COL27A1: variants seen among roughly 807,000 people sequenced by gnomAD.
The protein encoded by COL27A1 is collagen type XXVII alpha 1 chain.
COL27A1 carries 106 observed loss-of-function variants against 251.3 expected under a neutral mutation model. That is an observed-to-expected ratio of 0.42 (90% CI 0.36 to 0.50). The LOEUF (loss-of-function observed/expected upper bound fraction) is 0.50, where lower values mean the gene tolerates loss of function less well. Among genes scored for constraint, COL27A1 ranks in the 20% least tolerant of loss-of-function variants. COL27A1 has a pLI of 0.00. For missense variants in COL27A1, 2,325 were observed against 2,522.8 expected, an observed-to-expected ratio of 0.92 and a Z score of 1.68; for synonymous variants, 1,000 against 986.3, an observed-to-expected ratio of 1.01 and a Z score of -0.26.
At chr9:114,256,520 T>A (rs892792213) in intron 27 of COL27A1, among the ~76,000 whole-genome samples, 1 of 152,128 alleles carries the variant, frequency 6.6e-6, no homozygotes, top group African/African-American at 2.4e-5. Context: ...ATCCCCATTA[T>A]TGGGGGTGGG....
intron 24 of COL27A1, chr9:114,246,183 G>T (rs10119899): frequency 4.5e-5 from 18 of 399,334 alleles, no homozygotes; most frequent in African/African-American, 3.6e-4. Context: ...GCCCAAAGAG[G>T]TTATGTGACT....
At chr9:114,306,421 GAT>G (rs1217169698) in intron 57 of COL27A1, 97 bp from the exon 58 acceptor site, 3 of 1,254,338 alleles carry the variant, frequency 2.4e-6, no homozygotes, top group Non-Finnish European at 3.3e-6. Context: ...GTGGAACCGA[GAT>G]ACCTCCCAGG....
chr9:114,245,870 A>T lies in COL27A1; in HGVS notation c.2939A>T (p.Glu980Val). The T allele has an allele frequency of 6.2e-7, 1 of 1,613,244 alleles. No individual in the cohort carries two copies. Residue 980 changes from glutamate to valine, a missense_variant, in exon 24 of 61, where the codon GAA becomes GTA. Glu to Val is a moderately radical substitution (Grantham distance 121). Coordinates refer to ENST00000356083, the MANE Select transcript of COL27A1 (RefSeq NM_032888.4). ...CTCCTCTTTGTCTCTTTGCAGGGGG[A>T]ACCAGGGGATCCTGGTCGGCCGGGG... ...GRPGLDGVKGEPGDPGRPGPV... is the reference protein window; with the variant it reads ...GRPGLDGVKGVPGDPGRPGPV...
intron 28 of COL27A1, among the ~76,000 whole-genome samples, chr9:114,259,157 G>A (rs1834147326): frequency 6.6e-6 from 1 of 152,208 alleles, no homozygotes; most frequent in South Asian, 2.1e-4. Flanking sequence ...GACTGGCAGG[G>A]GAAGACCTGA....
intron 4 of COL27A1, among the ~76,000 whole-genome samples, chr9:114,180,732 C>A (rs1827838214): frequency 6.6e-6 from 1 of 152,188 alleles, no homozygotes; most frequent in Non-Finnish European, 1.5e-5. Context: ...CCCAGAGCCT[C>A]CCCCACCTGG....
At chr9:114,278,457 GATGGTGGTGGTGATGGTGGTGGTGATA>G (rs1384601556) in intron 37 of COL27A1, among the ~76,000 whole-genome samples, 1 of 145,454 alleles carries the variant, frequency 6.9e-6, no homozygotes, top group East Asian at 2.0e-4. Flanking sequence ...GGGCACTGAT[GATGGTGGTGGTGATGGTGGTGGTGATA>G]ATGGTGGTGG....
chr9:114,293,590 A>G (rs907142136), intron 49 of COL27A1, among the ~76,000 whole-genome samples: 1 of 151,936 alleles, frequency 6.6e-6, no homozygotes, highest in Non-Finnish European at 1.5e-5. Context: ...GCTTTTTGAG[A>G]TCTGTAAAAC....
At chr9:114,240,755 T>C (rs1381293438) in intron 21 of COL27A1, among the ~76,000 whole-genome samples, 2 of 152,234 alleles carry the variant, frequency 1.3e-5, no homozygotes, top group African/African-American at 4.8e-5. Flanking sequence ...GGGGTTTTCT[T>C]TCCCAGAGCT....
chr9:114,288,715 A>C lies in COL27A1; in HGVS notation c.4058A>C (p.Asp1353Ala), dbSNP rs756055187. ...GPPGDRGPVG[D>A]RGDRGEPGDP... Reference sequence around the variant, plus strand: ...TTTGTCATTCAGGGCCCTGTGGGTGATCGAGGAGACCGCGGGGAACCGGGA... The same window carrying C: ...TTTGTCATTCAGGGCCCTGTGGGTGCTCGAGGAGACCGCGGGGAACCGGGA... Residue 1353 changes from aspartate (D) to alanine (A), a missense_variant, in exon 43 of 61, where the codon GAT (aspartate) becomes GCT (alanine). Coordinates refer to ENST00000356083, the MANE Select transcript of COL27A1 (RefSeq NM_032888.4). The C allele has an allele frequency of 1.2e-6, 2 of 1,610,546 alleles. No homozygotes were observed. Among genetic ancestry groups the C allele is most frequent in the Admixed American group, 3.3e-5 (2 of 59,876 alleles).
chr9:114,240,682 C>T (rs1490299694), intron 21 of COL27A1, among the ~76,000 whole-genome samples, 195 bp downstream of exon 21: 1 of 152,360 alleles, frequency 6.6e-6, no homozygotes, highest in East Asian at 1.9e-4. Flanking sequence ...ACCTTCTCTG[C>T]CCTGCTGTCA....
At chr9:114,283,604 G>A in intron 39 of COL27A1, 105 bp from the exon 40 acceptor site, 2 of 1,001,464 alleles carry the variant, frequency 2.0e-6, no homozygotes, top group Non-Finnish European at 3.1e-6. Flanking sequence ...CGGCATGGAT[G>A]TGCCAGGCTG....
At chr9:114,183,965 G>A (rs1588611338) in intron 5 of COL27A1, among the ~76,000 whole-genome samples, 1 of 152,230 alleles carries the variant, frequency 6.6e-6, no homozygotes, top group South Asian at 2.1e-4. Context: ...TGCATTGGAA[G>A]TGAGAAACTC....
rs750859627 is a variant in COL27A1 at position 114,205,743 on chromosome 9, C to G, written c.2170-16C>G. On this transcript the variant is annotated splice_polypyrimidine_tract_variant and intron_variant, in intron 8 of 60. Transcript: ENST00000356083. ...GGGTCTTTCTTTTCCTTATGTTTCTCTCTGTTCCTTTGCAGGGGCAGCCAG... is the reference window on the plus strand; with the variant it reads ...GGGTCTTTCTTTTCCTTATGTTTCTGTCTGTTCCTTTGCAGGGGCAGCCAG... The G allele has an allele frequency of 1.2e-6, 2 of 1,613,586 alleles. No homozygotes were observed. Among genetic ancestry groups the G allele is most frequent in the South Asian group, 2.2e-5 (2 of 91,076 alleles).
intron 5 of COL27A1, among the ~76,000 whole-genome samples, chr9:114,183,959 T>C (rs1054281798): frequency 9.9e-5 from 15 of 152,142 alleles, no homozygotes; most frequent in Non-Finnish European, 1.5e-4. Flanking sequence ...GGGCACTGCA[T>C]TGGAAGTGAG....
At chr9:114,209,768 C>A (rs756287671) in intron 11 of COL27A1, 40 bp downstream of exon 11, 1 of 1,597,302 alleles carries the variant, frequency 6.3e-7, no homozygotes, top group South Asian at 1.1e-5. Context: ...CCACAGCCAC[C>A]CCTGCCCAAA....
At chr9:114,242,703 A>G (rs1371423097) in intron 22 of COL27A1, among the ~76,000 whole-genome samples, 2 of 152,208 alleles carry the variant, frequency 1.3e-5, no homozygotes, top group Non-Finnish European at 2.9e-5. Context: ...AGAGCTTTTT[A>G]CACTCTTGAA....
At chr9:114,213,604 CA>C (rs1830506202) in intron 12 of COL27A1, among the ~76,000 whole-genome samples, 1 of 152,126 alleles carries the variant, frequency 6.6e-6, no homozygotes, top group South Asian at 2.1e-4. Context: ...AATCAATAAA[CA>C]CGATGAATAA....
At position 114,237,005 on chromosome 9, in the gene COL27A1, C is replaced by G. The variant is rs757394454; in HGVS notation, c.2644C>G (p.Pro882Ala). 2 of 1,612,410 alleles carry G rather than the reference C, an allele frequency of 1.2e-6. No homozygotes were observed. Among genetic ancestry groups the G allele is most frequent in the Non-Finnish European group, 1.7e-6 (2 of 1,179,202 alleles). ...DKGSQGLPGF[P>A]GARGKPGPLG... ...GGGGAGCCAGGGGTTGCCAGGGTTCCCCGGTGCACGGGGGAAGCCAGGGCC... is the reference window on the plus strand; with the variant it reads ...GGGGAGCCAGGGGTTGCCAGGGTTCGCCGGTGCACGGGGGAAGCCAGGGCC... The change falls in exon 18 of 61, where the codon CCC (proline) becomes GCC (alanine). Residue 882 changes from proline (P) to alanine (A), a missense_variant. By Grantham distance (27) the Pro-to-Ala change is conservative. Coordinates refer to ENST00000356083, the MANE Select transcript of COL27A1 (RefSeq NM_032888.4).
Position 114,266,632 on chromosome 9 carries a change from A to T in COL27A1, c.3447+14A>T, listed in dbSNP as rs778774108. On this transcript the variant is annotated intron_variant, in intron 33 of 60. Coordinates refer to ENST00000356083, the MANE Select transcript of COL27A1 (RefSeq NM_032888.4). Reference sequence around the variant, plus strand: ...ATGGGACCCAAGGTGAGTGTGAGAGACCCTTATTCGTCCCATGATGCTGCT... The same window carrying T: ...ATGGGACCCAAGGTGAGTGTGAGAGTCCCTTATTCGTCCCATGATGCTGCT... 6.2e-7 allele frequency: 1 copy of T among 1,611,500 alleles called. No homozygotes were observed. The highest frequency in any genetic ancestry group is 1.1e-5 in the South Asian group (1 of 90,972).
Sources: gnomAD v4.1 joint callset for allele counts (sites outside exome capture counted in the v4.1 genomes callset) on GRCh38, gnomAD v4.1.1 for gene constraint, MANE v1.5 for transcripts, NCBI Gene and HGNC (gene_info 2026-07-23, HGNC 2026-07-21) for gene names.